TBC1D19: variants seen among roughly 807,000 people sequenced by gnomAD.
TBC1D19 encodes TBC1 domain family member 19.
A neutral mutation model predicts 89.0 loss-of-function variants in TBC1D19; 60 were observed. The observed-to-expected ratio is 0.67, with a 90% confidence interval of 0.55 to 0.84. The LOEUF (loss-of-function observed/expected upper bound fraction) is 0.84. Ranked by LOEUF, TBC1D19 falls within the 40% of genes least tolerant of loss-of-function variation. TBC1D19 has a pLI of 0.00. For synonymous variants in TBC1D19, 189 were observed against 199.7 expected (o/e 0.95, Z 0.45); for missense variants, 500 against 610.8 (o/e 0.82, Z 1.91).
chr4:26,781,567 A>G, the TBC1D19 span, among the ~76,000 whole-genome samples: 4 of 152,222 alleles, frequency 2.6e-5, no homozygotes, highest in Admixed American at 2.6e-4. Flanking sequence ...GCTGATGTTA[A>G]TACCTTTTTA....
chr4:26,637,436 G>A lies in TBC1D19; in HGVS notation c.369+151G>A, dbSNP rs372189993. 4.4e-3 allele frequency: 2,431 copies of A among 552,006 alleles called. 15 individuals carry two copies. Among genetic ancestry groups the A allele is most frequent in the South Asian group, 0.023 (741 of 32,110 alleles). The allele number at this position is 552,006 out of a possible 1,614,324, so 34.2% of individuals were successfully genotyped here. Reference sequence around the variant, plus strand: ...CACCCAGGCTGGAGTGCAGTGGCGCGATCTTGGCTCACTGCAACCTCCGCC... The same window carrying A: ...CACCCAGGCTGGAGTGCAGTGGCGCAATCTTGGCTCACTGCAACCTCCGCC... On this transcript the variant is annotated intron_variant, in intron 5 of 20. Transcript: ENST00000264866.
Position 26,658,759 on chromosome 4 carries a change from G to A in TBC1D19, c.481-838G>A, listed in dbSNP as rs1025969486. ...ATTTGTTTGTGTCCTCTCTTATTTC[G>A]TTGAGCAGTGGTTTGTAGTTCTCCT... On this transcript the variant is annotated intron_variant, in intron 7 of 20. Transcript: ENST00000264866. Among the ~76,000 whole-genome samples, 24 of 152,016 alleles carry A rather than the reference G, an allele frequency of 1.6e-4. No homozygotes were observed. The East Asian group carries it at 2.5e-3, about 16-fold the overall frequency.
chr4:26,773,581 G>C, the TBC1D19 span, among the ~76,000 whole-genome samples: 1 of 152,118 alleles, frequency 6.6e-6, no homozygotes, highest in Non-Finnish European at 1.5e-5. Flanking sequence ...TTTTCTTCTA[G>C]GGTTTTTATA....
the TBC1D19 span, among the ~76,000 whole-genome samples, chr4:26,782,079 A>C: frequency 6.6e-6 from 1 of 152,206 alleles, no homozygotes. Context: ...CTGCTCACAT[A>C]TGTAATGGTT....
intron 4 of TBC1D19, among the ~76,000 whole-genome samples, chr4:26,634,846 A>AT (rs1394211376): frequency 6.6e-6 from 1 of 152,042 alleles, no homozygotes; most frequent in Admixed American, 6.6e-5. Context: ...GATCTCCAGA[A>AT]TTTTTTCCAG....
chr4:26,756,762 C>T (rs759430957), downstream of TBC1D19, among the ~76,000 whole-genome samples: 1 of 152,180 alleles, frequency 6.6e-6, no homozygotes, highest in Non-Finnish European at 1.5e-5. Flanking sequence ...GAAGAATGCA[C>T]AACTTCATTA....
At chr4:26,693,988 G>A (rs1311018110) in intron 13 of TBC1D19, among the ~76,000 whole-genome samples, 4 of 152,150 alleles carry the variant, frequency 2.6e-5, no homozygotes, top group Non-Finnish European at 5.9e-5. Flanking sequence ...GAAGATGGGT[G>A]ATTTCTGCAT....
At chr4:26,733,638 T>G (rs1717797563) in intron 15 of TBC1D19, among the ~76,000 whole-genome samples, 1 of 152,242 alleles carries the variant, frequency 6.6e-6, no homozygotes, top group African/African-American at 2.4e-5. Flanking sequence ...TTCAGCATTT[T>G]TATATTGCTT....
At chr4:26,586,297 A>C (rs1739414697) in intron 1 of TBC1D19, among the ~76,000 whole-genome samples, 6 of 151,884 alleles carry the variant, frequency 4.0e-5, no homozygotes. Context: ...CACACACACA[A>C]AATTTCTGGC....
chr4:26,798,309 A>G, the TBC1D19 span, among the ~76,000 whole-genome samples: 5 of 152,316 alleles, frequency 3.3e-5, no homozygotes, highest in African/African-American at 1.2e-4. Flanking sequence ...AAAAATGCTC[A>G]TCACTAATTA....
chr4:26,742,269 G>T (rs959211128), intron 17 of TBC1D19, among the ~76,000 whole-genome samples: 2 of 152,144 alleles, frequency 1.3e-5, no homozygotes, highest in Admixed American at 6.5e-5. Flanking sequence ...GGAGCATATT[G>T]TGTAAAAAGG....
chr4:26,804,610 G>C, the TBC1D19 span, among the ~76,000 whole-genome samples: 952 of 152,250 alleles, frequency 6.3e-3, 14 homozygotes, highest in African/African-American at 0.022. Flanking sequence ...TCCTCACGCC[G>C]CAGGCCCAGA....
chr4:26,722,806 T>A (rs976854815), intron 15 of TBC1D19, among the ~76,000 whole-genome samples: 2 of 152,192 alleles, frequency 1.3e-5, no homozygotes, highest in Non-Finnish European at 2.9e-5. Flanking sequence ...ATTTAGTCCT[T>A]ACAAGAACCT....
chr4:26,854,980 T>C, the TBC1D19 span, among the ~76,000 whole-genome samples: 1 of 152,152 alleles, frequency 6.6e-6, no homozygotes, highest in Admixed American at 6.5e-5. Flanking sequence ...GAGCCAAAAG[T>C]TCCATTTTTC....
chr4:26,661,179 A>C (rs1354719034), intron 8 of TBC1D19, among the ~76,000 whole-genome samples: 1 of 152,108 alleles, frequency 6.6e-6, no homozygotes, highest in African/African-American at 2.4e-5. Context: ...TTCACTAGAG[A>C]TCCAGATGCA....
upstream of TBC1D19, among the ~76,000 whole-genome samples, chr4:26,581,114 C>T (rs1739053406): frequency 6.6e-6 from 1 of 152,174 alleles, no homozygotes; most frequent in Admixed American, 6.5e-5. Context: ...TGCACCCCCT[C>T]TTGCTATTCA....
At chr4:26,696,911 G>C (rs1714839709) in intron 13 of TBC1D19, among the ~76,000 whole-genome samples, 1 of 152,160 alleles carries the variant, frequency 6.6e-6, no homozygotes, top group Admixed American at 6.5e-5. Flanking sequence ...AAGCAGGAAA[G>C]ATCTAAAATT....
At chr4:26,842,852 T>G in the TBC1D19 span, among the ~76,000 whole-genome samples, 2 of 152,036 alleles carry the variant, frequency 1.3e-5, no homozygotes, top group African/African-American at 4.8e-5. Context: ...GACACACATT[T>G]GTAACAGAGT....
At chr4:26,829,730 G>A in the TBC1D19 span, among the ~76,000 whole-genome samples, 5 of 152,148 alleles carry the variant, frequency 3.3e-5, no homozygotes, top group African/African-American at 1.2e-4. Flanking sequence ...GGTAAGGTTT[G>A]TTCATTTGTT....
Sources: allele counts gnomAD v4.1 joint callset (sites outside exome capture counted in the v4.1 genomes callset), GRCh38; gene constraint gnomAD v4.1.1; transcripts MANE v1.5; gene names NCBI Gene and HGNC (gene_info 2026-07-23, HGNC 2026-07-21).